Variants in PRKAR1B observed in about 807,000 individuals in gnomAD.
PRKAR1B encodes the protein cAMP-dependent protein kinase type I-beta regulatory subunit.
PRKAR1B carries 22 observed loss-of-function variants against 46.5 expected under a neutral mutation model. That is an observed-to-expected ratio of 0.47 (90% CI 0.34 to 0.68). The LOEUF (loss-of-function observed/expected upper bound fraction) is 0.68, where lower values mean the gene tolerates loss of function less well. Among genes scored for constraint, PRKAR1B ranks in the 30% least tolerant of loss-of-function variants. The pLI, the probability that PRKAR1B is intolerant of heterozygous loss-of-function variation, is 0.01. For missense variants in PRKAR1B, 445 were observed against 535.6 expected (o/e 0.83, Z 1.67); for synonymous variants, 259 against 217.7 (o/e 1.19, Z -1.67).
At chr7:598,783 A>G (rs1025239184) in intron 6 of PRKAR1B, among the ~76,000 whole-genome samples, 1 of 152,190 alleles carries the variant, frequency 6.6e-6, no homozygotes, top group African/African-American at 2.4e-5. Flanking sequence ...AGAGCCAGGG[A>G]GGCGGGTAAC....
chr7:726,982 C>A (rs1158670921), intron 1 of PRKAR1B: 2 of 1,290,182 alleles, frequency 1.6e-6, no homozygotes, highest in East Asian at 3.6e-5. Flanking sequence ...CCTGAGCGAC[C>A]CCGCCGAGGG....
chr7:603,871 C>T (rs868067580), intron 6 of PRKAR1B, among the ~76,000 whole-genome samples: 36 of 140,252 alleles, frequency 2.6e-4, no homozygotes, highest in African/African-American at 6.4e-4. Flanking sequence ...ATGGACAGGG[C>T]GGGGGAGGAG....
intron 2 of PRKAR1B, chr7:691,486 C>T: frequency 7.7e-7 from 1 of 1,304,188 alleles, no homozygotes; most frequent in Non-Finnish European, 1.0e-6. Context: ...CAGGGCCCCC[C>T]AGCGCACCAC....
intron 4 of PRKAR1B, among the ~76,000 whole-genome samples, chr7:660,516 C>T (rs1331059534): frequency 8.4e-6 from 1 of 118,386 alleles, no homozygotes; most frequent in African/African-American, 3.2e-5. Flanking sequence ...AATACCTACT[C>T]TCCCCCCCAT....
intron 9 of PRKAR1B, among the ~76,000 whole-genome samples, chr7:577,086 A>G (rs186143436): frequency 1.2e-3 from 185 of 149,202 alleles, no homozygotes; most frequent in Middle Eastern, 6.8e-3. Flanking sequence ...CAGCGGCCTC[A>G]TCCAACTCCA....
intron 2 of PRKAR1B, among the ~76,000 whole-genome samples, chr7:681,963 G>A (rs1330726141): frequency 1.3e-5 from 2 of 152,154 alleles, no homozygotes; most frequent in Non-Finnish European, 2.9e-5. Flanking sequence ...GTGGTCTGAG[G>A]ACACACCGGG....
intron 9 of PRKAR1B, among the ~76,000 whole-genome samples, chr7:555,875 C>T (rs929883315): frequency 2.0e-5 from 3 of 152,196 alleles, no homozygotes; most frequent in Non-Finnish European, 4.4e-5. Flanking sequence ...AATTGGCAGA[C>T]GGGAGCCCGG....
chr7:726,794 TG>T, intron 1 of PRKAR1B: 1 of 1,290,106 alleles, frequency 7.8e-7, no homozygotes. Context: ...GCTGAGGCGG[TG>T]GAGCTGAGCC....
chr7:658,108 AT>A (rs1285309446), intron 4 of PRKAR1B, among the ~76,000 whole-genome samples: 4 of 152,102 alleles, frequency 2.6e-5, no homozygotes, highest in Non-Finnish European at 4.4e-5. Flanking sequence ...ATCCACAGTG[AT>A]GTGATTATGA....
chr7:688,414 A>T (rs576361613), intron 2 of PRKAR1B, among the ~76,000 whole-genome samples: 174 of 151,868 alleles, frequency 1.1e-3, no homozygotes, highest in African/African-American at 3.8e-3. Context: ...AAAAAAAAAA[A>T]AAATACAAGA....
At chr7:621,599 C>T (rs1783110754) in intron 4 of PRKAR1B, among the ~76,000 whole-genome samples, 1 of 152,240 alleles carries the variant, frequency 6.6e-6, no homozygotes, top group Non-Finnish European at 1.5e-5. Flanking sequence ...GAGTTTGCAA[C>T]CCTTCCCTAA....
chr7:592,339 C>G (rs1405892349), intron 7 of PRKAR1B, among the ~76,000 whole-genome samples: 2 of 152,268 alleles, frequency 1.3e-5, no homozygotes, highest in Non-Finnish European at 2.9e-5. Flanking sequence ...AAGTGACAAA[C>G]TGCTTGTGCT....
intron 4 of PRKAR1B, among the ~76,000 whole-genome samples, chr7:639,970 C>G (rs1784303212): frequency 6.6e-6 from 1 of 151,938 alleles, no homozygotes; most frequent in African/African-American, 2.4e-5. Context: ...TGAGACCAGC[C>G]TGGCCAACAT....
At chr7:584,207 C>T (rs1212353861) in intron 8 of PRKAR1B, among the ~76,000 whole-genome samples, 2 of 152,130 alleles carry the variant, frequency 1.3e-5, no homozygotes, top group African/African-American at 2.4e-5. Context: ...AGGCTGGGGG[C>T]GCGGCTCTGA....
rs758386135 is a variant in PRKAR1B, at chr7:581,302, CA to C, written c.770-1926del. 0.012 allele frequency among the ~76,000 whole-genome samples: 1,245 copies of C among 103,056 alleles called. 23 individuals are homozygous for C. In the East Asian group the frequency reaches 0.14, roughly 12 times the overall value. 67.6% of individuals were successfully genotyped at this position (103,056 alleles called of 152,430 possible). On this transcript the variant is annotated intron_variant, in intron 8 of 10. Coordinates refer to ENST00000537384, the MANE Select transcript of PRKAR1B (RefSeq NM_001164760.2). Reference sequence around the variant, plus strand: ...TGGGCAACAGAGCAACACTCTGTCTCAAAAAAAAAAAAAAAAAAAAAAAGTC... The same window carrying C: ...TGGGCAACAGAGCAACACTCTGTCTCAAAAAAAAAAAAAAAAAAAAAAGTC...
In PRKAR1B at chr7:714,714, T is replaced by C. The variant is rs1188663950; in HGVS notation, c.-22-3187A>G. Among the ~76,000 whole-genome samples, 1 of 152,212 alleles carries C rather than the reference T, an allele frequency of 6.6e-6. No homozygotes were observed. Among genetic ancestry groups the C allele is most frequent in the Non-Finnish European group, 1.5e-5 (1 of 68,042 alleles). ...CAGGCCTCTCTTGCTTCAGCCTTACTGGCTTGAGCCAAGGACAGACGCTTC... is the reference window on the plus strand; with the variant it reads ...CAGGCCTCTCTTGCTTCAGCCTTACCGGCTTGAGCCAAGGACAGACGCTTC... On this transcript the variant is annotated intron_variant, in intron 1 of 10. Transcript: ENST00000537384. This position sits in a 1 kb window ranked among gnomAD's most constrained non-coding sequence, Gnocchi z 4.3.
intron 4 of PRKAR1B, among the ~76,000 whole-genome samples, chr7:622,009 C>T (rs773713178): frequency 3.9e-5 from 6 of 152,262 alleles, no homozygotes; most frequent in East Asian, 1.9e-4. Context: ...GCCCATGCCC[C>T]GATCTCAGCC....
intron 4 of PRKAR1B, among the ~76,000 whole-genome samples, chr7:636,003 GCCGCGCCCTC>G: frequency 1.2e-5 from 1 of 83,144 alleles, no homozygotes; most frequent in Admixed American, 1.3e-4. Flanking sequence ...TCCTCCACCG[GCCGCGCCCTC>G]ACGTCCTCCA....
intron 9 of PRKAR1B, among the ~76,000 whole-genome samples, chr7:577,529 T>C (rs1206165364): frequency 6.6e-6 from 1 of 151,598 alleles, no homozygotes; most frequent in Non-Finnish European, 1.5e-5. Flanking sequence ...GCCGGGCAGG[T>C]CACCACACAG....
Sources: gnomAD v4.1 joint callset for allele counts (sites outside exome capture counted in the v4.1 genomes callset) on GRCh38, gnomAD v4.1.1 for gene constraint, Gnocchi (gnomAD v3.1) non-coding constraint, MANE v1.5 for transcripts, NCBI Gene and HGNC (gene_info 2026-07-23, HGNC 2026-07-21) for gene names.